PCGF1: variants seen among roughly 807,000 people sequenced by gnomAD.
The protein encoded by PCGF1 is polycomb group ring finger 1, also known as polycomb group RING finger protein 1.
Under a neutral mutation model 38.8 loss-of-function variants are expected in PCGF1, and 10 were observed. The ratio of observed to expected loss-of-function variants is 0.26; its 90% CI spans 0.16 to 0.44. PCGF1 has a LOEUF of 0.44. PCGF1 is among the 20% of genes least tolerant of loss of function. The pLI is 1.00. For synonymous variants in PCGF1, 119 were observed against 121.3 expected (o/e 0.98, Z 0.12); for missense variants, 230 against 331.5 (o/e 0.69, Z 2.38).
chr2:74,505,719 C>T lies in PCGF1; in HGVS notation c.564+18G>A. 1 of 1,614,176 alleles carries T rather than the reference C, an allele frequency of 6.2e-7. No homozygotes were observed. The highest frequency in any genetic ancestry group is 8.5e-7 in the Non-Finnish European group (1 of 1,180,014). On this transcript the variant is annotated intron_variant, in intron 6 of 8. Transcript: ENST00000233630. ...AGGTGAGTCTCCTTAGAGAGGCCCT[C>T]CCCTCAGCCCTTCTCACCTGCAGGA...
chr2:74,505,279 G>A (rs1421012439), intron 8 of PCGF1, 60 bp downstream of exon 8: 30 of 1,578,920 alleles, frequency 1.9e-5, no homozygotes, highest in Non-Finnish European at 2.4e-5. Context: ...CCTGAGGACT[G>A]TAGGATGGTT....
At chr2:74,506,672 C>T in intron 3 of PCGF1, 60 bp downstream of exon 3, 4 of 1,593,354 alleles carry the variant, frequency 2.5e-6, no homozygotes, top group Non-Finnish European at 3.4e-6. Context: ...CCCGTCACCT[C>T]AAGCTGCCAC....
chr2:74,507,504 A>G, intron 1 of PCGF1, 72 bp downstream of exon 1: 1 of 1,533,318 alleles, frequency 6.5e-7, no homozygotes, highest in African/African-American at 1.4e-5. Flanking sequence ...CCGGCCAGCC[A>G]CCGCCCGTCC....
intron 1 of PCGF1, 58 bp downstream of exon 1, chr2:74,507,518 A>G (rs1217149098): frequency 1.3e-6 from 2 of 1,543,784 alleles, no homozygotes; most frequent in African/African-American, 1.4e-5. Flanking sequence ...CCCGTCCTTT[A>G]GCCCGCCCCA....
chr2:74,506,701 G>A (rs764919639), intron 3 of PCGF1, 31 bp downstream of exon 3: 2 of 1,612,192 alleles, frequency 1.2e-6, no homozygotes, highest in East Asian at 2.2e-5. Context: ...TAGTCCTCAA[G>A]AGGCCCCTCA....
Position 74,507,661 on chromosome 2 carries a change from G to A in PCGF1, c.8C>T (p.Ser3Phe). 1 of 1,560,300 alleles carries A rather than the reference G, an allele frequency of 6.4e-7. No individual in the cohort carries two copies. Among genetic ancestry groups the A allele is most frequent in the African/African-American group, 1.4e-5 (1 of 73,376 alleles). Reference protein sequence around the residue: MASPQGGQIAIAM... With the variant: MAFPQGGQIAIAM... ...GATCGCAATCTGGCCCCCCTGAGGA[G>A]ACGCCATCTTAAAGGCTGATCCCAG... Residue 3 changes from serine to phenylalanine, a missense_variant, in exon 1 of 9, where the codon TCT (serine) becomes TTT (phenylalanine). Around this residue, in one of 3 missense-constraint regions of PCGF1, gnomAD observed 46 missense variants for 35.9 expected, o/e 1.28. Transcript: ENST00000233630.
At position 74,505,202 on chromosome 2, in the gene PCGF1, A is replaced by G. The variant is rs1445668665; in HGVS notation, c.733-12T>C. The G allele has an allele frequency of 3.2e-6, 5 of 1,562,486 alleles. No homozygotes were observed. The African/African-American group carries it at 5.4e-5, about 17-fold the overall frequency. ...AGCAAAGGGGATGGCTAAGGAGAGA[A>G]TGAGGAAGTAGTAGTCAGTGGGGAA... On this transcript the variant is annotated splice_polypyrimidine_tract_variant and intron_variant, in intron 8 of 8. Coordinates refer to ENST00000233630, the MANE Select transcript of PCGF1 (RefSeq NM_032673.3).
intron 3 of PCGF1, 167 bp downstream of exon 3, chr2:74,506,565 G>A (rs991512066): frequency 9.1e-6 from 7 of 768,356 alleles, no homozygotes; most frequent in South Asian, 1.8e-5. Context: ...GCAAGACTCC[G>A]TCTCAAAAAA....
intron 1 of PCGF1, 117 bp from the exon 2 acceptor site, chr2:74,507,264 C>T: frequency 6.7e-7 from 1 of 1,485,288 alleles, no homozygotes; most frequent in Non-Finnish European, 9.0e-7. Context: ...CGCCCTGCGC[C>T]ATCAGCCGGG....
Position 74,507,659 on chromosome 2 carries a change from G to A in PCGF1, c.10C>T (p.Pro4Ser), listed in dbSNP as rs887313455. The change falls in exon 1 of 9, where the codon CCT (proline) becomes TCT (serine). Residue 4 changes from proline (P) to serine (S), a missense_variant. Physicochemically the swap from Pro to Ser is moderately conservative, Grantham distance 74. Transcript: ENST00000233630. MASPQGGQIAIAMR... is the reference protein window; with the variant it reads MASSQGGQIAIAMR... Reference sequence around the variant, plus strand: ...GCGATCGCAATCTGGCCCCCCTGAGGAGACGCCATCTTAAAGGCTGATCCC... The same window carrying A: ...GCGATCGCAATCTGGCCCCCCTGAGAAGACGCCATCTTAAAGGCTGATCCC... 10 of 1,561,322 alleles carry A rather than the reference G, an allele frequency of 6.4e-6. No homozygotes were observed. Among genetic ancestry groups the A allele is most frequent in the Admixed American group, 1.9e-5 (1 of 52,238 alleles).
chr2:74,505,324 G>A lies in PCGF1; in HGVS notation c.732+15C>T, dbSNP rs576948817. ...CTGAAGGGGGTGTGATCCCAGGGAGGGTGGCCTGGCTTACCTTGCCGAACC... is the reference window on the plus strand; with the variant it reads ...CTGAAGGGGGTGTGATCCCAGGGAGAGTGGCCTGGCTTACCTTGCCGAACC... On this transcript the variant is annotated intron_variant, in intron 8 of 8. Coordinates refer to ENST00000233630, the MANE Select transcript of PCGF1 (RefSeq NM_032673.3). The A allele has an allele frequency of 6.9e-6, 11 of 1,601,800 alleles. No homozygotes were observed. In the South Asian group the frequency reaches 1.0e-4, roughly 15 times the overall value.
intron 3 of PCGF1, 40 bp from the exon 4 acceptor site, chr2:74,506,292 T>C (rs375266773): frequency 3.0e-4 from 474 of 1,600,696 alleles, no homozygotes; most frequent in Middle Eastern, 1.4e-3. Context: ...TATTAGCCCT[T>C]CGGGGCCGGG....
chr2:74,505,742 G>A lies in PCGF1; in HGVS notation c.559C>T (p.Leu187=). Residue 187 remains leucine (L), a synonymous_variant, in exon 6 of 9, where the codon CTG becomes TTG. Transcript: ENST00000233630. ...SSGKDKNKSV[L]QNKYVRCSVR... ...CTCCCCTCAGCCCTTCTCACCTGCA[G>A]GACGCTTTTATTCTTGTCTTTGCCA... The A allele has an allele frequency of 6.2e-7, 1 of 1,614,206 alleles. No individual in the cohort carries two copies. The highest frequency in any genetic ancestry group is 1.7e-5 in the Admixed American group (1 of 60,020).
In PCGF1 at chr2:74,506,834, T is replaced by A; in HGVS notation, c.250A>T (p.Met84Leu). The change falls in exon 3 of 9, where the codon ATG becomes TTG. Residue 84 changes from methionine to leucine, a missense_variant. Around this residue, in one of 3 missense-constraint regions of PCGF1, gnomAD observed 40 missense variants for 113.2 expected, o/e 0.35. Transcript: ENST00000233630. The stretch of plus-strand genomic sequence containing the variant: ...GTCTCGTGGATCTTAATGTTGCACA[T>A]GGGGCAGTACTTGCTAGTTTGGAGG... ...KYLQTSKYCP[M>L]CNIKIHETQP... 7 of 1,614,172 alleles carry A rather than the reference T, an allele frequency of 4.3e-6. No homozygotes were observed. Among genetic ancestry groups the A allele is most frequent in the Non-Finnish European group, 5.9e-6 (7 of 1,180,016 alleles).
rs1054261461 is a variant in PCGF1 at position 74,506,953 on chromosome 2, G to A, written c.200-69C>T. On this transcript the variant is annotated intron_variant, in intron 2 of 8. Transcript: ENST00000233630. ...GATTCATGGGCTGGGTGGGGTGCCT[G>A]GATGCGTGAGGCAGGCCGCACAGAA... is the stretch of plus-strand genomic sequence containing the variant. The A allele has an allele frequency of 4.2e-5, 68 of 1,605,556 alleles. 1 individual carries two copies. In the South Asian group the frequency reaches 7.3e-4, roughly 17 times the overall value.
intron 1 of PCGF1, 43 bp downstream of exon 1, chr2:74,507,532 CG>C (rs1414858611): frequency 6.4e-7 from 1 of 1,551,726 alleles, no homozygotes; most frequent in Non-Finnish European, 8.7e-7. Context: ...CGCCCCAATT[CG>C]CACCGCTGGC....
chr2:74,505,688 C>T, intron 6 of PCGF1, 49 bp downstream of exon 6: 1 of 1,613,970 alleles, frequency 6.2e-7, no homozygotes, highest in Middle Eastern at 1.6e-4. Context: ...AGGGAAGGAC[C>T]ATGGGAGGTG....
chr2:74,506,359 T>C (rs1674634753), intron 3 of PCGF1, 107 bp from the exon 4 acceptor site: 3 of 1,045,840 alleles, frequency 2.9e-6, no homozygotes, highest in South Asian at 1.3e-5. Context: ...GGGCAGATCA[T>C]GAAGTCAGGA....
intron 4 of PCGF1, 38 bp from the exon 5 acceptor site, chr2:74,506,095 C>T: frequency 6.2e-7 from 1 of 1,612,474 alleles, no homozygotes; most frequent in Non-Finnish European, 8.5e-7. Flanking sequence ...TGGTGGCACA[C>T]ATTCCATACT....
Sources: gnomAD v4.1 joint callset for allele counts on GRCh38, gnomAD v4.1.1 for gene constraint, gnomAD v4.1.1 regional missense constraint, MANE v1.5 for transcripts, NCBI Gene and HGNC (gene_info 2026-07-23, HGNC 2026-07-21) for gene names.